The following PRKCB variants were observed in gnomAD, a reference collection of about 807,000 sequenced individuals.
The protein encoded by PRKCB is protein kinase C beta type.
PRKCB carries 13 observed loss-of-function variants against 81.5 expected under a neutral mutation model. The ratio of observed to expected loss-of-function variants is 0.16; its 90% CI spans 0.10 to 0.25. PRKCB has a LOEUF of 0.25. PRKCB is among the 10% of genes least tolerant of loss of function. The pLI is 1.00. For missense variants in PRKCB, 509 were observed against 875.7 expected, an observed-to-expected ratio of 0.58 and a Z score of 5.29; for synonymous variants, 335 against 321.4, an observed-to-expected ratio of 1.04 and a Z score of -0.45.
intron 5 of PRKCB, among the ~76,000 whole-genome samples, chr16:24,051,916 C>G (rs1330802213): frequency 6.6e-6 from 1 of 151,834 alleles, no homozygotes; most frequent in Non-Finnish European, 1.5e-5. Context: ...GGGAGACCAT[C>G]CTGGCCAACA....
Position 23,837,417 on chromosome 16 carries a change from G to C in PRKCB, c.205+11G>C. The C allele has an allele frequency of 1.9e-6, 3 of 1,605,890 alleles. No individual in the cohort carries two copies. Among genetic ancestry groups the C allele is most frequent in the Non-Finnish European group, 8.5e-7 (1 of 1,177,714 alleles). On this transcript the variant is annotated intron_variant, in intron 2 of 16. Transcript: ENST00000643927. ...GATTCCAGTGCCAAGGTAGGCTCTG[G>C]GGCTTTGGGGATGCTATTTGTGGGA...
At chr16:23,993,626 T>C (rs1232741544) in intron 3 of PRKCB, among the ~76,000 whole-genome samples, 1 of 152,226 alleles carries the variant, frequency 6.6e-6, no homozygotes, top group Non-Finnish European at 1.5e-5. Flanking sequence ...CTCTTCTCTA[T>C]AGACCAAACC....
At chr16:24,057,032 G>A (rs866352664) in intron 5 of PRKCB, among the ~76,000 whole-genome samples, 2 of 152,146 alleles carry the variant, frequency 1.3e-5, no homozygotes, top group Non-Finnish European at 1.5e-5. Flanking sequence ...AAAATGGAAG[G>A]TGATGGTTGT....
intron 2 of PRKCB, among the ~76,000 whole-genome samples, chr16:23,980,602 A>G (rs1567332979): frequency 6.6e-6 from 1 of 152,202 alleles, no homozygotes; most frequent in Non-Finnish European, 1.5e-5. Flanking sequence ...TCCTGCTTCC[A>G]GAAACTTAGC....
intron 5 of PRKCB, among the ~76,000 whole-genome samples, chr16:24,059,648 CAG>C (rs998860555): frequency 4.6e-5 from 7 of 151,942 alleles, no homozygotes; most frequent in African/African-American, 1.5e-4. Context: ...GCCTGAGTGA[CAG>C]AGTGACACCC....
intron 3 of PRKCB, among the ~76,000 whole-genome samples, chr16:23,990,548 G>GT (rs1053667172): frequency 2.2e-5 from 2 of 91,594 alleles, no homozygotes; most frequent in African/African-American, 8.1e-5. Context: ...TTTTATTTTT[G>GT]TTTTTTTCTC....
intron 2 of PRKCB, among the ~76,000 whole-genome samples, chr16:23,923,511 A>G (rs1187444592): frequency 1.3e-5 from 2 of 152,148 alleles, no homozygotes; most frequent in Non-Finnish European, 2.9e-5. Context: ...TGGAATTAAC[A>G]CTACCTGAAT....
chr16:24,020,611 C>T (rs1455462703), intron 3 of PRKCB, among the ~76,000 whole-genome samples: 1 of 152,168 alleles, frequency 6.6e-6, no homozygotes, highest in African/African-American at 2.4e-5. Context: ...GCTGAGGAAC[C>T]AGAGACTCAG....
chr16:23,876,022 G>A (rs1358760566), intron 2 of PRKCB, among the ~76,000 whole-genome samples: 1 of 152,118 alleles, frequency 6.6e-6, no homozygotes, highest in Non-Finnish European at 1.5e-5. Context: ...GACTGGCCGG[G>A]CCCCATAGGC....
At chr16:24,044,168 A>G (rs1356373412) in intron 5 of PRKCB, among the ~76,000 whole-genome samples, 1 of 152,134 alleles carries the variant, frequency 6.6e-6, no homozygotes, top group Non-Finnish European at 1.5e-5. Context: ...CAGTCTGGCC[A>G]ACATGGTGAA....
At chr16:24,171,664 T>C (rs1382872115) in intron 10 of PRKCB, among the ~76,000 whole-genome samples, 1 of 152,148 alleles carries the variant, frequency 6.6e-6, no homozygotes, top group Non-Finnish European at 1.5e-5. Context: ...AACAATAATA[T>C]CAGTTAAGTC....
chr16:23,951,579 CT>C (rs11354474), intron 2 of PRKCB, among the ~76,000 whole-genome samples: 57,748 of 97,404 alleles, frequency 0.59, 15,463 homozygotes, highest in East Asian at 0.83. Context: ...CTATGCCAGG[CT>C]TTTTTTTTTT....
chr16:23,917,892 G>A (rs1448230603), intron 2 of PRKCB, among the ~76,000 whole-genome samples: 1 of 152,218 alleles, frequency 6.6e-6, no homozygotes, highest in Non-Finnish European at 1.5e-5. Context: ...TGCCTCCAAA[G>A]GGAAGGCAGG....
intron 3 of PRKCB, among the ~76,000 whole-genome samples, chr16:24,007,390 T>C (rs1965139858): frequency 6.6e-6 from 1 of 152,226 alleles, no homozygotes; most frequent in Non-Finnish European, 1.5e-5. Context: ...GCATCTCCCA[T>C]GGGCTGGTTG....
chr16:24,009,312 C>G (rs1226479088), intron 3 of PRKCB, among the ~76,000 whole-genome samples: 2 of 152,026 alleles, frequency 1.3e-5, no homozygotes, highest in Non-Finnish European at 2.9e-5. Context: ...CCGAGGAAGA[C>G]ATACAAATGA....
At chr16:23,926,477 G>C (rs928225155) in intron 2 of PRKCB, among the ~76,000 whole-genome samples, 1 of 95,538 alleles carries the variant, frequency 1.0e-5, no homozygotes, top group South Asian at 3.4e-4. Flanking sequence ...GAGTGAGACT[G>C]TTTCAAAAAA....
Position 24,218,199 on chromosome 16 carries a change from G to A in PRKCB, c.*3383G>A, listed in dbSNP as rs1968261534. The A allele has an allele frequency of 1.0e-6, 1 of 985,200 alleles. No individual in the cohort carries two copies. Among genetic ancestry groups the A allele is most frequent in the South Asian group, 4.7e-5 (1 of 21,284 alleles). 61.0% of individuals were successfully genotyped at this position (985,200 alleles called of 1,614,324 possible). ...TAAATAAACAAGACAATTTCTGAAA[G>A]CAATAAGTGCAATCAAGATAATTAA... On this transcript the variant is annotated 3_prime_UTR_variant, in exon 17 of 17. Coordinates refer to ENST00000643927, the MANE Select transcript of PRKCB (RefSeq NM_002738.7).
intron 2 of PRKCB, among the ~76,000 whole-genome samples, chr16:23,862,490 T>C (rs1962686464): frequency 6.6e-6 from 1 of 152,238 alleles, no homozygotes; most frequent in Non-Finnish European, 1.5e-5. Flanking sequence ...TGACAGCAGC[T>C]TGCGTTCAGG....
intron 3 of PRKCB, among the ~76,000 whole-genome samples, chr16:24,014,035 A>G (rs964331425): frequency 6.6e-6 from 1 of 152,222 alleles, no homozygotes; most frequent in African/African-American, 2.4e-5. Context: ...GTGTCCTTCT[A>G]TACAGAGGAT....
Sources: gnomAD v4.1 joint callset for allele counts (sites outside exome capture counted in the v4.1 genomes callset) on GRCh38, gnomAD v4.1.1 for gene constraint, MANE v1.5 for transcripts, NCBI Gene and HGNC (gene_info 2026-07-23, HGNC 2026-07-21) for gene names.